Variants in CRHR1 observed in about 807,000 individuals in gnomAD.
The protein encoded by CRHR1 is corticotropin-releasing hormone receptor 1.
Under a neutral mutation model 56.0 loss-of-function variants are expected in CRHR1, and 28 were observed. The observed-to-expected ratio is 0.50, with a 90% CI of 0.37 to 0.69. CRHR1 has a LOEUF of 0.69. Ranked by LOEUF, CRHR1 falls within the 30% of genes least tolerant of loss-of-function variation. The pLI, the probability that CRHR1 is intolerant of heterozygous loss-of-function variation, is 0.00. For synonymous variants in CRHR1, 195 were observed against 216.5 expected (o/e 0.90, Z 0.87); for missense variants, 376 against 548.0 (o/e 0.69, Z 3.13).
chr17:45,812,257 G>T (rs2061838051), intron 2 of CRHR1, among the ~76,000 whole-genome samples: 1 of 152,188 alleles, frequency 6.6e-6, no homozygotes, highest in Non-Finnish European at 1.5e-5. Flanking sequence ...AAAACCTATG[G>T]ATATGGAGAA....
intron 1 of CRHR1, among the ~76,000 whole-genome samples, chr17:45,787,220 C>T (rs1391443752): frequency 2.6e-5 from 4 of 152,074 alleles, no homozygotes; most frequent in Non-Finnish European, 2.9e-5. Context: ...TGGGGAGAGA[C>T]GATGTGTGTA....
intron 1 of CRHR1, among the ~76,000 whole-genome samples, chr17:45,785,244 G>C (rs2061314221): frequency 6.6e-6 from 1 of 152,258 alleles, no homozygotes; most frequent in East Asian, 1.9e-4. Context: ...CTGCGACGCG[G>C]ATCGGGCGCT....
chr17:45,828,714 CCTCCTTGCTCACAGGA>C (rs2062222235), intron 4 of CRHR1, among the ~76,000 whole-genome samples: 1 of 152,216 alleles, frequency 6.6e-6, no homozygotes, highest in African/African-American at 2.4e-5. Flanking sequence ...CTGCCCGGCC[CCTCCTTGCTCACAGGA>C]GCAGGCGGCA....
At chr17:45,833,015 G>C (rs935035936) in intron 8 of CRHR1, 123 bp from the exon 9 acceptor site, 1 of 817,278 alleles carries the variant, frequency 1.2e-6, no homozygotes, top group Non-Finnish European at 2.1e-6. Flanking sequence ...GCCAGGGTTG[G>C]AATTGGGACA....
chr17:45,810,104 A>AC (rs1201326475), intron 2 of CRHR1, among the ~76,000 whole-genome samples: 2 of 152,006 alleles, frequency 1.3e-5, no homozygotes, highest in African/African-American at 2.4e-5. Context: ...ACATGGTGAA[A>AC]CCCCGTCTCT....
intron 4 of CRHR1, chr17:45,825,606 G>C (rs1301825254): frequency 6.5e-6 from 1 of 154,538 alleles, no homozygotes; most frequent in Non-Finnish European, 1.5e-5. Context: ...GTGAGTGGTG[G>C]TTGGACCAGG....
intron 3 of CRHR1, among the ~76,000 whole-genome samples, chr17:45,818,875 T>C (rs1029444709): frequency 4.6e-5 from 7 of 152,196 alleles, no homozygotes; most frequent in African/African-American, 1.7e-4. Flanking sequence ...TTTCCCGTGA[T>C]TCTTTGGGAG....
At chr17:45,826,940 T>A (rs532874750) in intron 4 of CRHR1, 1 of 152,360 alleles carries the variant, frequency 6.6e-6, no homozygotes, top group South Asian at 2.1e-4. Flanking sequence ...ATCCTGCCAC[T>A]GCACCACTCC....
chr17:45,817,609 C>T (rs2061955159), intron 3 of CRHR1, among the ~76,000 whole-genome samples: 1 of 152,204 alleles, frequency 6.6e-6, no homozygotes, highest in African/African-American at 2.4e-5. Context: ...TTTCCTCTAC[C>T]AGATGGATTT....
chr17:45,816,413 G>A (rs2061928218), intron 2 of CRHR1, 50 bp from the exon 3 acceptor site: 2 of 1,608,934 alleles, frequency 1.2e-6, no homozygotes, highest in Non-Finnish European at 1.7e-6. Context: ...GCCTGCCTGG[G>A]GCCTTGGCCG....
At chr17:45,830,815 G>A in intron 7 of CRHR1, 65 bp from the exon 8 acceptor site, 3 of 1,526,354 alleles carry the variant, frequency 2.0e-6, no homozygotes, top group South Asian at 2.3e-5. Context: ...GCTGCACTGG[G>A]GTTCTCCAGG....
Position 45,833,487 on chromosome 17 carries a change from C to T in CRHR1, c.879C>T (p.Ile293=). ...TCTTCCTTTTCAACATCGTCCGCAT[C>T]CTCATGACCAAGCTCCGGGCATCCA... ...NFIFLFNIVR[I]LMTKLRASTT... is the part of the protein sequence containing the mutation. The change falls in exon 10 of 13, where the codon ATC becomes ATT. Residue 293 remains isoleucine, a synonymous_variant. Transcript: ENST00000314537. The T allele has an allele frequency of 6.2e-7, 1 of 1,614,018 alleles. No individual in the cohort carries two copies. The highest frequency in any genetic ancestry group is 1.1e-5 in the South Asian group (1 of 91,076).
At chr17:45,798,779 G>A (rs541778515) in intron 1 of CRHR1, among the ~76,000 whole-genome samples, 192 of 152,302 alleles carry the variant, frequency 1.3e-3, no homozygotes, top group Non-Finnish European at 2.2e-3. Context: ...CGGGGCCCCA[G>A]GGAGAAAGGC....
chr17:45,790,707 G>A (rs1008295679), intron 1 of CRHR1, among the ~76,000 whole-genome samples: 5 of 152,176 alleles, frequency 3.3e-5, no homozygotes, highest in Non-Finnish European at 2.9e-5. Flanking sequence ...CTGGTTGGGA[G>A]CCAGTGCGCC....
At chr17:45,791,092 C>G (rs1288310616) in intron 1 of CRHR1, among the ~76,000 whole-genome samples, 1 of 152,186 alleles carries the variant, frequency 6.6e-6, no homozygotes, top group Non-Finnish European at 1.5e-5. Flanking sequence ...GTTTTCCCAG[C>G]CTCTTTGGCA....
intron 1 of CRHR1, among the ~76,000 whole-genome samples, chr17:45,791,091 G>C (rs2061417090): frequency 6.6e-6 from 1 of 152,140 alleles, no homozygotes; most frequent in Non-Finnish European, 1.5e-5. Flanking sequence ...TGTTTTCCCA[G>C]CCTCTTTGGC....
intron 1 of CRHR1, among the ~76,000 whole-genome samples, chr17:45,785,162 G>C (rs555745552): frequency 5.3e-4 from 80 of 152,344 alleles, no homozygotes; most frequent in East Asian, 3.7e-3. Flanking sequence ...CCTGTTCCCC[G>C]ACCGCGGCTG....
At chr17:45,786,059 C>T (rs539205697) in intron 1 of CRHR1, among the ~76,000 whole-genome samples, 190 of 152,002 alleles carry the variant, frequency 1.2e-3, no homozygotes, top group Non-Finnish European at 2.2e-3. Flanking sequence ...TCTAAATGCA[C>T]AAACCAGTTA....
chr17:45,799,273 G>C (rs781463893), intron 1 of CRHR1: 1 of 152,192 alleles, frequency 6.6e-6, no homozygotes, highest in Non-Finnish European at 1.5e-5. Context: ...ACACAATTGC[G>C]TGTGGGGCCT....
Sources: allele counts gnomAD v4.1 joint callset (sites outside exome capture counted in the v4.1 genomes callset), GRCh38; gene constraint gnomAD v4.1.1; transcripts MANE v1.5; gene names NCBI Gene and HGNC (gene_info 2026-07-23, HGNC 2026-07-21).